The following OSBPL9 variants were observed in gnomAD, a reference collection of about 807,000 sequenced individuals.
The protein encoded by OSBPL9 is oxysterol-binding protein-related protein 9.
Under a neutral mutation model 106.6 loss-of-function variants are expected in OSBPL9, and 40 were observed. The observed-to-expected ratio is 0.38, with a 90% CI of 0.29 to 0.49. The LOEUF is 0.49. OSBPL9 is among the 20% of genes least tolerant of loss of function. The pLI is 0.97. For missense variants in OSBPL9, 609 were observed against 887.2 expected (o/e 0.69, Z 3.98); for synonymous variants, 269 against 295.4 (o/e 0.91, Z 0.92).
At chr1:51,657,548 T>G (rs1297988457) in intron 2 of OSBPL9, among the ~76,000 whole-genome samples, 1 of 152,200 alleles carries the variant, frequency 6.6e-6, no homozygotes, top group Non-Finnish European at 1.5e-5. Context: ...AGGCTCCCAT[T>G]CCTCTGGACT....
At chr1:51,651,844 A>G in intron 1 of OSBPL9, 147 bp from the exon 2 acceptor site, 3 of 622,858 alleles carry the variant, frequency 4.8e-6, no homozygotes, top group Non-Finnish European at 5.7e-6. Context: ...TTATTTTCCT[A>G]TCCATAAGTA....
At chr1:51,598,280 G>A (rs1645312426) in intron 2 of OSBPL9, 1 of 152,278 alleles carries the variant, frequency 6.6e-6, no homozygotes, top group South Asian at 2.1e-4. Context: ...TTCCTGGGAA[G>A]ATGGAGCATC....
chr1:51,604,511 C>T (rs1212569618), intron 2 of OSBPL9, among the ~76,000 whole-genome samples: 1 of 151,412 alleles, frequency 6.6e-6, no homozygotes, highest in Non-Finnish European at 1.5e-5. Flanking sequence ...AGCCAAGATC[C>T]CACCATTATA....
At chr1:51,747,866 T>G (rs1359097108) in intron 6 of OSBPL9, among the ~76,000 whole-genome samples, 1 of 152,188 alleles carries the variant, frequency 6.6e-6, no homozygotes, top group Non-Finnish European at 1.5e-5. Flanking sequence ...CTCGGCTCAC[T>G]GCAAGCTCTG....
intron 4 of OSBPL9, among the ~76,000 whole-genome samples, chr1:51,721,854 G>A (rs1453373254): frequency 1.3e-5 from 2 of 152,250 alleles, no homozygotes; most frequent in Admixed American, 6.5e-5. Context: ...GAATGGAGAA[G>A]TAGCCAGTTA....
intron 14 of OSBPL9, 34 bp downstream of exon 14, chr1:51,772,757 A>G: frequency 7.0e-7 from 1 of 1,428,498 alleles, no homozygotes; most frequent in South Asian, 1.1e-5. Context: ...CTGTGTGGGT[A>G]TGTATGGATT....
intron 2 of OSBPL9, among the ~76,000 whole-genome samples, chr1:51,655,102 A>G (rs1281343820): frequency 1.3e-5 from 2 of 152,212 alleles, no homozygotes; most frequent in Non-Finnish European, 2.9e-5. Context: ...ATGTTTTACC[A>G]TACACACAAA....
At chr1:51,730,403 C>G (rs1269535040) in intron 4 of OSBPL9, among the ~76,000 whole-genome samples, 3 of 152,210 alleles carry the variant, frequency 2.0e-5, no homozygotes, top group Non-Finnish European at 4.4e-5. Flanking sequence ...ATAGAATCTC[C>G]AGTTGCAGGC....
chr1:51,620,934 G>A (rs183658499), intron 1 of OSBPL9, among the ~76,000 whole-genome samples: 104 of 152,288 alleles, frequency 6.8e-4, no homozygotes, highest in Middle Eastern at 6.8e-3. Context: ...TCACCATGTT[G>A]CTGAGGCTGG....
chr1:51,787,450 C>T lies in OSBPL9; in HGVS notation c.2098C>T (p.Arg700Ter), dbSNP rs1677944899. 3.7e-6 allele frequency: 6 copies of T among 1,613,950 alleles called. No homozygotes were observed. The highest frequency in any genetic ancestry group is 5.1e-6 in the Non-Finnish European group (6 of 1,179,874). The change falls in exon 23 of 24, where the codon CGA becomes TGA. Residue 700 changes from arginine to a stop codon, truncating the protein, a stop_gained. Transcript: ENST00000428468. LOFTEE classifies it high-confidence loss of function. ...TGAAGAAAGACAAAGAGCAGAAGCC[C>T]GAGAAAGGAAGGAGAAGGAAATTCA... ...RLEERQRAEA[R>*]ERKEKEIQWE...
rs71063046 is a variant in OSBPL9 at position 51,597,423 on chromosome 1, ATGTGTGTGTGTG to A, written c.-422-675_-422-664del. On this transcript the variant is annotated intron_variant, in intron 1 of 25. Transcript: ENST00000371714. ...AATATATGTGTGTATATATATATAT[ATGTGTGTGTGTG>A]TGTGTGTGTGTGTGTGTGTGTGTGT... Among the ~76,000 whole-genome samples the A allele has an allele frequency of 3.1e-4, 42 of 135,840 alleles. No homozygotes were observed. The East Asian group carries it at 3.4e-3, about 11-fold the overall frequency. 89.1% of individuals were successfully genotyped at this position (135,840 alleles called of 152,430 possible). A position where few individuals can be genotyped will look rare whatever the true frequency, so the allele number is the denominator to read the frequency against.
rs138216847 is a variant in OSBPL9, at chr1:51,602,932, G to T, written c.-353+4739G>T. ...GCACTTTGGGAGGCCAAGGCAGGAGGATCACTTGAGCTTAGGAGTTCAGTG... is the reference window on the plus strand; with the variant it reads ...GCACTTTGGGAGGCCAAGGCAGGAGTATCACTTGAGCTTAGGAGTTCAGTG... On this transcript the variant is annotated intron_variant, in intron 2 of 25. Coordinates refer to the OSBPL9 transcript ENST00000371714. Among the ~76,000 whole-genome samples the T allele has an allele frequency of 1.1e-4, 17 of 152,320 alleles. No homozygotes were observed. The East Asian group carries it at 2.5e-3, about 22-fold the overall frequency.
At chr1:51,611,813 A>G (rs1643989754) in intron 2 of OSBPL9, among the ~76,000 whole-genome samples, 1 of 152,092 alleles carries the variant, frequency 6.6e-6, no homozygotes, top group African/African-American at 2.4e-5. Context: ...TGTCTCTACT[A>G]AAAATACAAA....
chr1:51,554,691 G>T, the OSBPL9 span, among the ~76,000 whole-genome samples: 1 of 152,168 alleles, frequency 6.6e-6, no homozygotes, highest in Non-Finnish European at 1.5e-5. Context: ...GCTGATTTTT[G>T]AAATGCAAAG....
intron 9 of OSBPL9, 34 bp downstream of exon 9, chr1:51,756,392 C>G: frequency 1.0e-5 from 16 of 1,595,478 alleles, no homozygotes; most frequent in Non-Finnish European, 1.4e-5. Flanking sequence ...TTTCCCTTTA[C>G]TTCTGCAGAG....
chr1:51,696,583 T>C (rs1656061399), intron 3 of OSBPL9, among the ~76,000 whole-genome samples: 1 of 152,204 alleles, frequency 6.6e-6, no homozygotes, highest in Non-Finnish European at 1.5e-5. Flanking sequence ...CTCCGTAATA[T>C]ATAACCAGAT....
At position 51,761,938 on chromosome 1, in the gene OSBPL9, G is replaced by A. The variant is rs144446669; in HGVS notation, c.745G>A (p.Gly249Arg). The change falls in exon 11 of 24, where the codon GGA becomes AGA. Residue 249 changes from glycine (G) to arginine (R), a missense_variant. Gly to Arg is a moderately radical substitution (Grantham distance 125). This residue lies in a region of OSBPL9 where 356 missense variants were observed against 505.8 expected (regional missense o/e 0.70). Coordinates refer to ENST00000428468, the MANE Select transcript of OSBPL9 (RefSeq NM_024586.6). ...LPVGPVLATL[G>R]HHQTPTPNST... ...AGTTGGACCTGTGTTGGCTACCTTG[G>A]GACATCATCAGACTCCTACACCAAA... The A allele has an allele frequency of 4.0e-5, 65 of 1,612,802 alleles. No homozygotes were observed. In the African/African-American group the frequency reaches 6.5e-4, roughly 16 times the overall value.
chr1:51,764,745 AATTT>A (rs940408955), intron 11 of OSBPL9, among the ~76,000 whole-genome samples: 11 of 151,982 alleles, frequency 7.2e-5, no homozygotes, highest in African/African-American at 2.7e-4. Context: ...ATGCCCAGCT[AATTT>A]ATTTATCTAT....
intron 1 of OSBPL9, among the ~76,000 whole-genome samples, chr1:51,590,321 T>TAA (rs1259707112): frequency 2.1e-5 from 3 of 143,614 alleles, no homozygotes; most frequent in African/African-American, 7.6e-5. Context: ...ATACAGGAGG[T>TAA]AAAAAAAAAA....
Sources: gnomAD v4.1 joint callset for allele counts (sites outside exome capture counted in the v4.1 genomes callset) on GRCh38, gnomAD v4.1.1 for gene constraint, gnomAD v4.1.1 regional missense constraint, MANE v1.5 for transcripts, NCBI Gene and HGNC (gene_info 2026-07-23, HGNC 2026-07-21) for gene names.